DPYD: variants seen among roughly 807,000 people sequenced by gnomAD.
DPYD encodes the protein dihydropyrimidine dehydrogenase [NADP(+)].
In DPYD, 109 loss-of-function variants were observed where a neutral mutation model predicts 116.2. The ratio of observed to expected loss-of-function variants is 0.94; its 90% CI spans 0.80 to 1.10. The LOEUF (loss-of-function observed/expected upper bound fraction) is 1.10, where lower values mean the gene tolerates loss of function less well. DPYD is among the 50% of genes least tolerant of loss of function. The pLI is 0.00. For missense variants in DPYD, 1,302 were observed against 1,254.5 expected, an observed-to-expected ratio of 1.04 and a Z score of -0.57; for synonymous variants, 440 against 432.0, an observed-to-expected ratio of 1.02 and a Z score of -0.23.
chr1:97,658,506 A>G (rs554182714), intron 8 of DPYD, among the ~76,000 whole-genome samples: 2 of 152,288 alleles, frequency 1.3e-5, no homozygotes, highest in African/African-American at 4.8e-5. Flanking sequence ...GCTTCTTACT[A>G]GTGGTTTATT....
intron 8 of DPYD, among the ~76,000 whole-genome samples, chr1:97,616,516 A>C (rs532319231): frequency 1.3e-5 from 2 of 152,298 alleles, no homozygotes; most frequent in African/African-American, 2.4e-5. Flanking sequence ...ATACTTACCT[A>C]TTGTTCACTT....
At chr1:97,665,037 T>C (rs946529088) in intron 8 of DPYD, among the ~76,000 whole-genome samples, 2 of 152,230 alleles carry the variant, frequency 1.3e-5, no homozygotes, top group Admixed American at 1.3e-4. Context: ...TACTCTGTCT[T>C]TTCTAAGCCC....
intron 4 of DPYD, 66 bp from the exon 5 acceptor site, chr1:97,721,737 CA>C: frequency 6.8e-7 from 1 of 1,465,460 alleles, no homozygotes. Context: ...CAAATTACGA[CA>C]AACATTATTT....
In DPYD at chr1:97,480,998, A is replaced by C. The variant is rs185925624; in HGVS notation, c.1741-30775T>G. Among the ~76,000 whole-genome samples, 519 of 152,284 alleles carry C rather than the reference A, an allele frequency of 3.4e-3. 8 individuals are homozygous for C. In the South Asian group the frequency reaches 0.048, roughly 14 times the overall value. Reference sequence around the variant, plus strand: ...CTCCATCTCAAAAAACAAAAAGAAAAAAAATTATAAAAAGCTGAAAGACAA... The same window carrying C: ...CTCCATCTCAAAAAACAAAAAGAAACAAAATTATAAAAAGCTGAAAGACAA... On this transcript the variant is annotated intron_variant, in intron 13 of 22. Transcript: ENST00000370192.
intron 1 of DPYD, among the ~76,000 whole-genome samples, chr1:97,910,859 T>C (rs1307091633): frequency 3.9e-5 from 6 of 152,112 alleles, no homozygotes; most frequent in African/African-American, 2.4e-5. Context: ...CATTAGCATC[T>C]AGTTTTCTTA....
intron 10 of DPYD, among the ~76,000 whole-genome samples, chr1:97,589,134 G>C (rs1272025043): frequency 6.6e-6 from 1 of 152,186 alleles, no homozygotes; most frequent in Non-Finnish European, 1.5e-5. Context: ...CTCTACATTA[G>C]AGAAATGGGA....
chr1:97,845,322 T>C (rs1670238852), intron 2 of DPYD, among the ~76,000 whole-genome samples: 1 of 152,078 alleles, frequency 6.6e-6, no homozygotes, highest in Admixed American at 6.5e-5. Flanking sequence ...CTGAAGCCCA[T>C]ACAAACTCTG....
chr1:97,514,612 C>T (rs139056972), intron 13 of DPYD, among the ~76,000 whole-genome samples: 3 of 151,824 alleles, frequency 2.0e-5, no homozygotes, highest in South Asian at 2.1e-4. Flanking sequence ...TATTCTGTTA[C>T]GCTTCACACT....
At chr1:97,314,494 T>G (rs961497808) in intron 16 of DPYD, among the ~76,000 whole-genome samples, 1 of 148,342 alleles carries the variant, frequency 6.7e-6, no homozygotes, top group Non-Finnish European at 1.5e-5. Context: ...AGCTTTCTTT[T>G]TTTTTTTTTT....
chr1:97,583,318 T>C (rs1291225832), intron 10 of DPYD, among the ~76,000 whole-genome samples: 1 of 152,150 alleles, frequency 6.6e-6, no homozygotes, highest in African/African-American at 2.4e-5. Context: ...GACATTTTCT[T>C]TTTTTATTAT....
chr1:97,622,301 A>C (rs1258203767), intron 8 of DPYD, among the ~76,000 whole-genome samples: 2 of 152,182 alleles, frequency 1.3e-5, no homozygotes, highest in East Asian at 3.9e-4. Flanking sequence ...ATAACCCTTT[A>C]CCTCTGTGGT....
intron 13 of DPYD, among the ~76,000 whole-genome samples, chr1:97,487,287 GA>G (rs1246485775): frequency 2.0e-5 from 3 of 152,106 alleles, no homozygotes; most frequent in Admixed American, 6.6e-5. Context: ...AAAATATGGA[GA>G]AAGAGGAATT....
At chr1:97,426,653 A>G (rs191437685) in intron 14 of DPYD, among the ~76,000 whole-genome samples, 1 of 152,222 alleles carries the variant, frequency 6.6e-6, no homozygotes, top group Admixed American at 6.5e-5. Context: ...GGCAGAGACA[A>G]TGGAAACTAG....
chr1:97,464,287 G>T (rs200823984), intron 13 of DPYD, among the ~76,000 whole-genome samples: 28 of 104,038 alleles, frequency 2.7e-4, no homozygotes, highest in African/African-American at 7.5e-4. Context: ...ATAAAATAAA[G>T]AAAAGAAAAT....
At chr1:97,619,431 A>G (rs1258159478) in intron 8 of DPYD, among the ~76,000 whole-genome samples, 3 of 152,188 alleles carry the variant, frequency 2.0e-5, no homozygotes, top group African/African-American at 7.2e-5. Flanking sequence ...ATAACAAGTT[A>G]GCAACTTTCC....
At chr1:97,242,270 C>T (rs1599778) in intron 18 of DPYD, among the ~76,000 whole-genome samples, 187 of 147,614 alleles carry the variant, frequency 1.3e-3, no homozygotes, top group Non-Finnish European at 1.9e-3. Flanking sequence ...ATAGAAAAAC[C>T]GTAGAAAACA....
At chr1:97,134,189 C>T (rs1237672457) in intron 20 of DPYD, among the ~76,000 whole-genome samples, 1 of 150,906 alleles carries the variant, frequency 6.6e-6, no homozygotes. Flanking sequence ...ATATAGCTGG[C>T]TCTAGGCTGA....
At chr1:97,340,955 C>A (rs1332247725) in intron 16 of DPYD, among the ~76,000 whole-genome samples, 1 of 152,166 alleles carries the variant, frequency 6.6e-6, no homozygotes, top group African/African-American at 2.4e-5. Context: ...GGTTCTTTGA[C>A]TAGAATTTAA....
At chr1:97,152,439 TACACAC>T (rs71590217) in intron 20 of DPYD, among the ~76,000 whole-genome samples, 152 of 145,280 alleles carry the variant, frequency 1.0e-3, no homozygotes, top group Non-Finnish European at 1.8e-3. Flanking sequence ...CTGAATCACA[TACACAC>T]ACACACACAC....
Sources: gnomAD v4.1 joint callset for allele counts (sites outside exome capture counted in the v4.1 genomes callset) on GRCh38, gnomAD v4.1.1 for gene constraint, MANE v1.5 for transcripts, NCBI Gene and HGNC (gene_info 2026-07-23, HGNC 2026-07-21) for gene names.